The following CEP295NL variants were observed in gnomAD, a reference collection of about 807,000 sequenced individuals.
CEP295NL encodes the protein protein DDC8 homolog.
CEP295NL carries 3 observed loss-of-function variants against 4.6 expected under a neutral mutation model. The observed-to-expected ratio is 0.65, with a 90% CI of 0.30 to 1.69. The LOEUF is 1.69. CEP295NL is among the 40% of genes most tolerant of loss of function. The pLI is 0.10. For missense variants in CEP295NL, 719 were observed against 769.0 expected (o/e 0.93, Z 0.77); for synonymous variants, 295 against 312.2 (o/e 0.94, Z 0.58).
chr17:78,894,320 C>G (rs911550659), intron 2 of CEP295NL, among the ~76,000 whole-genome samples: 1 of 151,992 alleles, frequency 6.6e-6, no homozygotes, highest in Non-Finnish European at 1.5e-5. Context: ...CACCTTTGAC[C>G]AACCTCAGGT....
At chr17:78,893,200 GATGT>G (rs2069933785) in intron 2 of CEP295NL, among the ~76,000 whole-genome samples, 2 of 131,838 alleles carry the variant, frequency 1.5e-5, no homozygotes, top group African/African-American at 5.9e-5. Flanking sequence ...TGTGTGCAAG[GATGT>G]GTGTGCATGT....
In CEP295NL at chr17:78,896,992, G is replaced by C. The variant is rs985615349; in HGVS notation, c.45-4533C>G. The C allele has an allele frequency of 2.1e-5, 21 of 985,338 alleles. 3 individuals carry two copies. The highest frequency in any genetic ancestry group is 2.3e-4 in the East Asian group (2 of 8,804). The allele number at this position is 985,338 out of a possible 1,614,324, so 61.0% of individuals were successfully genotyped here. Reference sequence around the variant, plus strand: ...CTTGAGAATGACGTCCAAGCAGCTCGCCTTTCCCTGGGCGGCCGCTCAGAC... The same window carrying C: ...CTTGAGAATGACGTCCAAGCAGCTCCCCTTTCCCTGGGCGGCCGCTCAGAC... On this transcript the variant is annotated intron_variant, in intron 2 of 2. Coordinates refer to ENST00000322630, the MANE Select transcript of CEP295NL (RefSeq NM_001243540.2). The surrounding 1 kb of genome is among the most constrained non-coding windows in gnomAD (Gnocchi z 4.4).
chr17:78,892,462 A>G lies in CEP295NL; in HGVS notation c.45-3T>C, dbSNP rs1035164085. 30 of 1,545,424 alleles carry G rather than the reference A, an allele frequency of 1.9e-5. No homozygotes were observed. Among genetic ancestry groups the G allele is most frequent in the Non-Finnish European group, 2.5e-5 (29 of 1,144,098 alleles). On this transcript the variant is annotated splice_polypyrimidine_tract_variant and splice_region_variant and intron_variant, in intron 2 of 2. Transcript: ENST00000322630. ...AGCCACAACGTTCCACAGCAAACCT[A>G]CGAGGAAGGGAGCACAAGTGCAGCT... is the stretch of plus-strand genomic sequence containing the variant.
rs1449262628 is a variant in CEP295NL, at chr17:78,893,473, A to G, written c.45-1014T>C. 2.4e-3 allele frequency among the ~76,000 whole-genome samples: 276 copies of G among 117,408 alleles called. 3 individuals carry two copies. Among genetic ancestry groups the G allele is most frequent in the African/African-American group, 8.9e-3 (261 of 29,478 alleles). The allele number at this position is 117,408 out of a possible 152,430, so 77.0% of individuals were successfully genotyped here. A position where few individuals can be genotyped will look rare whatever the true frequency, so the allele number is the denominator to read the frequency against. On this transcript the variant is annotated intron_variant, in intron 2 of 2. Coordinates refer to ENST00000322630, the MANE Select transcript of CEP295NL (RefSeq NM_001243540.2). ...TGTGTGTGCAGGGGTGTGTGTGCAT[A>G]GCGGTGTGTGTGCAGGGGTGTGTGC...
Position 78,890,995 on chromosome 17 carries a change from T to C in CEP295NL, c.1509A>G (p.Gln503=). The C allele has an allele frequency of 6.4e-7, 1 of 1,551,202 alleles. No individual in the cohort carries two copies. Among genetic ancestry groups the C allele is most frequent in the Non-Finnish European group, 8.7e-7 (1 of 1,147,128 alleles). The change falls in exon 3 of 3, where the codon CAA becomes CAG. Residue 503 remains glutamine, a synonymous_variant. Transcript: ENST00000322630. ...TCTGCTCCATCTCTGCTTTCTGCCT[T>C]TGCCTGGATGCCGTCGAGCCCACTC... ...ADRVGSTASR[Q]RQKAEMEQRR... is the part of the protein sequence containing the mutation.
At chr17:78,892,496 C>T (rs376676045) in intron 2 of CEP295NL, 37 bp from the exon 3 acceptor site, 5 of 1,519,280 alleles carry the variant, frequency 3.3e-6, no homozygotes, top group East Asian at 2.5e-5. Flanking sequence ...CTTTCCAGAT[C>T]GCTCCCAGGA....
In CEP295NL at chr17:78,892,178, C is replaced by T. The variant is rs751982483; in HGVS notation, c.326G>A (p.Arg109His). 5.4e-5 allele frequency: 84 copies of T among 1,550,858 alleles called. No individual in the cohort carries two copies. In the African/African-American group the frequency reaches 6.4e-4, roughly 12 times the overall value. ...CCCTCTCCTCAACTCCTCAGCCAAG[C>T]GCTGGAGCTGGTAGTTTTTCCACAG... is the stretch of plus-strand genomic sequence containing the variant. ...AKLWKNYQLQ[R>H]LAEELRRGYQ... The change falls in exon 3 of 3, where the codon CGC becomes CAC. Residue 109 changes from arginine (R) to histidine (H), a missense_variant. Arg to His is a conservative substitution (Grantham distance 29). Transcript: ENST00000322630.
chr17:78,901,965 C>T, intron 1 of CEP295NL, 39 bp from the exon 2 acceptor site: 1 of 592,250 alleles, frequency 1.7e-6, no homozygotes, highest in Non-Finnish European at 3.1e-6. Flanking sequence ...AAACAAACAT[C>T]AGAAACATTT....
chr17:78,892,089 C>T lies in CEP295NL; in HGVS notation c.415G>A (p.Gly139Ser), dbSNP rs988857102. The change falls in exon 3 of 3, where the codon GGC becomes AGC. Residue 139 changes from glycine to serine, a missense_variant. Gly to Ser is a moderately conservative substitution (Grantham distance 56). Coordinates refer to ENST00000322630, the MANE Select transcript of CEP295NL (RefSeq NM_001243540.2). ...LDRLQSARLLGWGGGRARENE... is the reference protein window; with the variant it reads ...LDRLQSARLLSWGGGRARENE... ...TCCCTGGCCCGTCCTCCTCCCCAGCCCAACAGACGTGCTGACTGCAGCCTG... is the reference window on the plus strand; with the variant it reads ...TCCCTGGCCCGTCCTCCTCCCCAGCTCAACAGACGTGCTGACTGCAGCCTG... 1.3e-6 allele frequency: 2 copies of T among 1,551,898 alleles called. No homozygotes were observed. The highest frequency in any genetic ancestry group is 3.9e-5 in the Admixed American group (2 of 51,066).
chr17:78,894,041 C>T (rs2069959889), intron 2 of CEP295NL, among the ~76,000 whole-genome samples: 1 of 152,158 alleles, frequency 6.6e-6, no homozygotes, highest in African/African-American at 2.4e-5. Flanking sequence ...TGGAGTCAAA[C>T]GTAGTTGCAG....
At chr17:78,897,064 C>G (rs1332793165) in intron 2 of CEP295NL, 1 of 945,692 alleles carries the variant, frequency 1.1e-6, no homozygotes, top group East Asian at 1.2e-4. Flanking sequence ...TCCACCCAGG[C>G]AGCGTGGAAG....
At position 78,892,411 on chromosome 17, in the gene CEP295NL, C is replaced by T. The variant is rs554378642; in HGVS notation, c.93G>A (p.Ala31=). The T allele has an allele frequency of 1.4e-5, 21 of 1,550,352 alleles. No individual in the cohort carries two copies. The highest frequency in any genetic ancestry group is 9.5e-5 in the South Asian group (8 of 84,046). The change falls in exon 3 of 3, where the codon GCG becomes GCA. Residue 31 remains alanine, a synonymous_variant. Coordinates refer to ENST00000322630, the MANE Select transcript of CEP295NL (RefSeq NM_001243540.2). ...AGCCAAGAGTGGAGGGTTCAAGGGGCGCCCCCGGGCCTGAGGAGCCACAGA... is the reference window on the plus strand; with the variant it reads ...AGCCAAGAGTGGAGGGTTCAAGGGGTGCCCCCGGGCCTGAGGAGCCACAGA... ...CGFCGSSGPG[A]PLEPSTLGSK...
Position 78,896,145 on chromosome 17 carries a change from C to T in CEP295NL, c.45-3686G>A, listed in dbSNP as rs376465395. On this transcript the variant is annotated intron_variant, in intron 2 of 2. Transcript: ENST00000322630. This position sits in a 1 kb window ranked among gnomAD's most constrained non-coding sequence, Gnocchi z 4.4. Reference sequence around the variant, plus strand: ...GCTCTGACACCATCAGATGCAACCTCGTCCCCGCTACCCCAGCTCTCCTTG... The same window carrying T: ...GCTCTGACACCATCAGATGCAACCTTGTCCCCGCTACCCCAGCTCTCCTTG... 4.6e-5 allele frequency among the ~76,000 whole-genome samples: 7 copies of T among 152,240 alleles called. No individual in the cohort carries two copies. Among genetic ancestry groups the T allele is most frequent in the African/African-American group, 1.2e-4 (5 of 41,470 alleles).
rs1374384202 is a variant in CEP295NL, at chr17:78,891,113, A to G, written c.1391T>C (p.Leu464Ser). 1.9e-6 allele frequency: 3 copies of G among 1,550,622 alleles called. No homozygotes were observed. Among genetic ancestry groups the G allele is most frequent in the Non-Finnish European group, 2.6e-6 (3 of 1,147,032 alleles). ...AGIFINKEDS[L>S]LYSTESGQET... Reference sequence around the variant, plus strand: ...TTGTCCAGATTCAGTGCTATACAATAATGAGTCCTCTTTGTTGATAAATAT... The same window carrying G: ...TTGTCCAGATTCAGTGCTATACAATGATGAGTCCTCTTTGTTGATAAATAT... Residue 464 changes from leucine to serine, a missense_variant, in exon 3 of 3, where the codon TTA becomes TCA. Physicochemically the swap from Leu to Ser is moderately radical, Grantham distance 145. Coordinates refer to ENST00000322630, the MANE Select transcript of CEP295NL (RefSeq NM_001243540.2). The surrounding 1 kb of genome is among the most constrained non-coding windows in gnomAD (Gnocchi z 4.5).
chr17:78,895,383 C>A (rs74949888), intron 2 of CEP295NL, among the ~76,000 whole-genome samples: 1 of 152,204 alleles, frequency 6.6e-6, no homozygotes, highest in Non-Finnish European at 1.5e-5. Flanking sequence ...ACATGTTCAA[C>A]GGCAGCGGTC....
Position 78,891,633 on chromosome 17 carries a change from C to G in CEP295NL, c.871G>C (p.Ala291Pro). ...TGTCCCTGAGAGCGACTGGTCAGGG[C>G]TGGAACAAAGCAAACTGCCCCCTTT... Reference protein sequence around the residue: ...LGKGAVCFVPALTSRSQGQSL... With the variant: ...LGKGAVCFVPPLTSRSQGQSL... Residue 291 changes from alanine to proline, a missense_variant, in exon 3 of 3, where the codon GCC (alanine) becomes CCC (proline). Transcript: ENST00000322630. The surrounding 1 kb of genome is among the most constrained non-coding windows in gnomAD (Gnocchi z 4.5). The G allele has an allele frequency of 6.4e-7, 1 of 1,550,970 alleles. No homozygotes were observed. The highest frequency in any genetic ancestry group is 8.7e-7 in the Non-Finnish European group (1 of 1,147,096).
At chr17:78,897,140 T>A in intron 2 of CEP295NL, 1 of 283,316 alleles carries the variant, frequency 3.5e-6, no homozygotes, top group Non-Finnish European at 5.3e-6. Context: ...CGAAGGAGAC[T>A]CCAGGCCTGC....
chr17:78,903,172 G>C lies in CEP295NL; in HGVS notation c.-137C>G, dbSNP rs2070122408. 6.6e-6 allele frequency: 1 copy of C among 152,562 alleles called. No homozygotes were observed. Among genetic ancestry groups the C allele is most frequent in the South Asian group, 2.1e-4 (1 of 4,846 alleles). 9.5% of individuals were successfully genotyped at this position (152,562 alleles called of 1,614,324 possible). A position where few individuals can be genotyped will look rare whatever the true frequency, so the allele number is the denominator to read the frequency against. On this transcript the variant is annotated 5_prime_UTR_variant, in exon 1 of 3. Coordinates refer to ENST00000322630, the MANE Select transcript of CEP295NL (RefSeq NM_001243540.2). Reference sequence around the variant, plus strand: ...AATCGCTTCCCCGCCTCCACCTGCAGCCCGGCCTCTGCCCTGGCTGGCTAC... The same window carrying C: ...AATCGCTTCCCCGCCTCCACCTGCACCCCGGCCTCTGCCCTGGCTGGCTAC...
At position 78,891,849 on chromosome 17, in the gene CEP295NL, G is replaced by A. The variant is rs1223548915; in HGVS notation, c.655C>T (p.Pro219Ser). 2 of 1,550,708 alleles carry A rather than the reference G, an allele frequency of 1.3e-6. No homozygotes were observed. Among genetic ancestry groups the A allele is most frequent in the Admixed American group, 2.0e-5 (1 of 51,008 alleles). ...ATGRMNSHLAPPEKRKGRPEP... is the reference protein window; with the variant it reads ...ATGRMNSHLASPEKRKGRPEP... ...GGCCTTCCCTTTCTCTTCTCAGGCG[G>A]GGCCAGGTGAGAATTCATCCGACCC... is the stretch of plus-strand genomic sequence containing the variant. The change falls in exon 3 of 3, where the codon CCG becomes TCG. Residue 219 changes from proline (P) to serine (S), a missense_variant. By Grantham distance (74) the Pro-to-Ser change is moderately conservative (BLOSUM62 -1). Transcript: ENST00000322630. The surrounding 1 kb of genome is among the most constrained non-coding windows in gnomAD (Gnocchi z 4.5).
Sources: gnomAD v4.1 joint callset for allele counts (sites outside exome capture counted in the v4.1 genomes callset) on GRCh38, gnomAD v4.1.1 for gene constraint, Gnocchi (gnomAD v3.1) non-coding constraint, MANE v1.5 for transcripts, NCBI Gene and HGNC (gene_info 2026-07-23, HGNC 2026-07-21) for gene names.